PPP1R9A: variants seen among roughly 807,000 people sequenced by gnomAD.
The protein encoded by PPP1R9A is neurabin-1.
In PPP1R9A, 59 loss-of-function variants were observed where a neutral mutation model predicts 141.9. The ratio of observed to expected loss-of-function variants is 0.42; its 90% CI spans 0.34 to 0.52. PPP1R9A has a LOEUF of 0.52. Among genes scored for constraint, PPP1R9A ranks in the 20% least tolerant of loss-of-function variants. PPP1R9A has a pLI of 0.10. For synonymous variants in PPP1R9A, 500 were observed against 569.7 expected (o/e 0.88, Z 1.74); for missense variants, 1,444 against 1,611.9 (o/e 0.90, Z 1.78).
At chr7:95,029,679 G>A (rs1807385640) in intron 2 of PPP1R9A, among the ~76,000 whole-genome samples, 1 of 152,152 alleles carries the variant, frequency 6.6e-6, no homozygotes, top group Non-Finnish European at 1.5e-5. Context: ...TGGAATTATT[G>A]TAATTAATTT....
rs1472906950 is a variant in PPP1R9A at position 95,019,226 on chromosome 7, C to T, written c.1396-92033C>T. Reference sequence around the variant, plus strand: ...CCTGGCTAACATGGTGAAACTCCATCTCTACTGAAAGTACAAAAATTAGTT... The same window carrying T: ...CCTGGCTAACATGGTGAAACTCCATTTCTACTGAAAGTACAAAAATTAGTT... On this transcript the variant is annotated intron_variant, in intron 2 of 19. Transcript: ENST00000433360. 2.6e-5 allele frequency among the ~76,000 whole-genome samples: 4 copies of T among 152,156 alleles called. No individual in the cohort carries two copies. In the East Asian group the frequency reaches 7.7e-4, roughly 29 times the overall value.
chr7:95,006,893 G>A (rs941346376), intron 2 of PPP1R9A, among the ~76,000 whole-genome samples: 3 of 148,698 alleles, frequency 2.0e-5, no homozygotes, highest in African/African-American at 7.5e-5. Context: ...ACGGAGTTTC[G>A]CGCTTGTTGC....
At chr7:95,207,239 A>G (rs1201234377) in intron 7 of PPP1R9A, among the ~76,000 whole-genome samples, 1 of 152,088 alleles carries the variant, frequency 6.6e-6, no homozygotes, top group Non-Finnish European at 1.5e-5. Context: ...AAAAAAAGAG[A>G]AGAAAGAAAA....
At chr7:95,241,568 A>G (rs1797470826) in intron 8 of PPP1R9A, among the ~76,000 whole-genome samples, 2 of 152,100 alleles carry the variant, frequency 1.3e-5, no homozygotes, top group Admixed American at 1.3e-4. Flanking sequence ...AATGGAAGGT[A>G]CGGCGAGGCT....
At chr7:95,009,787 G>A (rs996776265) in intron 2 of PPP1R9A, among the ~76,000 whole-genome samples, 1 of 152,144 alleles carries the variant, frequency 6.6e-6, no homozygotes, top group Non-Finnish European at 1.5e-5. Flanking sequence ...TAAAGAGGCA[G>A]GAATAGTGCA....
intron 2 of PPP1R9A, among the ~76,000 whole-genome samples, chr7:94,947,567 G>A (rs2151000315): frequency 6.6e-6 from 1 of 152,144 alleles, no homozygotes; most frequent in East Asian, 1.9e-4. Context: ...GCTTTCTCTG[G>A]GGGCAGTTGC....
chr7:95,023,235 A>G (rs1409988081), intron 2 of PPP1R9A, among the ~76,000 whole-genome samples: 1 of 151,956 alleles, frequency 6.6e-6, no homozygotes, highest in Non-Finnish European at 1.5e-5. Context: ...AAATTTATTC[A>G]TTTCTTCTAG....
At chr7:95,275,994 G>A (rs1803113388) in intron 16 of PPP1R9A, among the ~76,000 whole-genome samples, 1 of 152,216 alleles carries the variant, frequency 6.6e-6, no homozygotes, top group Non-Finnish European at 1.5e-5. Context: ...TTAACTTTGT[G>A]TGGTTCGGGA....
chr7:94,967,740 T>C (rs1798374494), intron 2 of PPP1R9A, among the ~76,000 whole-genome samples: 1 of 152,134 alleles, frequency 6.6e-6, no homozygotes. Flanking sequence ...TTCTTAATCC[T>C]GAATTCTAAT....
At chr7:95,259,082 A>G (rs1800038777) in intron 12 of PPP1R9A, among the ~76,000 whole-genome samples, 2 of 152,218 alleles carry the variant, frequency 1.3e-5, no homozygotes, top group South Asian at 4.1e-4. Flanking sequence ...CAGCTAACTA[A>G]AAAACAATTT....
intron 5 of PPP1R9A, among the ~76,000 whole-genome samples, chr7:95,164,916 A>G (rs574627388): frequency 2.6e-4 from 39 of 151,590 alleles, no homozygotes; most frequent in African/African-American, 9.2e-4. Context: ...CAAATTTAAT[A>G]TACTCCAAGT....
At position 95,120,722 on chromosome 7, in the gene PPP1R9A, T is replaced by G; in HGVS notation, c.1539T>G (p.Gly513=). 1 of 1,613,332 alleles carries G rather than the reference T, an allele frequency of 6.2e-7. No individual in the cohort carries two copies. Among genetic ancestry groups the G allele is most frequent in the Non-Finnish European group, 8.5e-7 (1 of 1,179,606 alleles). The stretch of plus-strand genomic sequence containing the variant: ...TTTTCTTTTTAATAGATGAGGATGG[T>G]CTTGGTATAAGTATTATTGGAATGG... ...FPVELEKDED[G]LGISIIGMGV... The change falls in exon 4 of 20, where the codon GGT becomes GGG. Residue 513 remains glycine, a synonymous_variant. Transcript: ENST00000433360.
chr7:94,980,182 TAAAAAA>T (rs71292968), intron 2 of PPP1R9A, among the ~76,000 whole-genome samples: 1 of 126,166 alleles, frequency 7.9e-6, no homozygotes, highest in Admixed American at 8.1e-5. Flanking sequence ...GCTGATGAGC[TAAAAAA>T]AAAAAAAAAA....
At chr7:95,203,596 A>C (rs184946942) in intron 6 of PPP1R9A, 69 bp from the exon 7 acceptor site, 16 of 1,203,386 alleles carry the variant, frequency 1.3e-5, no homozygotes, top group Middle Eastern at 1.9e-4. Context: ...GTGTTTTTCA[A>C]TCCTTTATCA....
At chr7:95,022,227 G>T (rs888735124) in intron 2 of PPP1R9A, among the ~76,000 whole-genome samples, 1 of 152,028 alleles carries the variant, frequency 6.6e-6, no homozygotes, top group Non-Finnish European at 1.5e-5. Context: ...TATTCTCTTT[G>T]TAGCAATTGT....
intron 7 of PPP1R9A, among the ~76,000 whole-genome samples, chr7:95,210,928 A>G (rs1016118790): frequency 5.9e-5 from 9 of 152,098 alleles, no homozygotes; most frequent in Non-Finnish European, 1.3e-4. Context: ...GTTCTCACTC[A>G]TAAGTGTGAG....
intron 2 of PPP1R9A, among the ~76,000 whole-genome samples, chr7:95,025,516 A>T (rs941078954): frequency 6.6e-6 from 1 of 151,664 alleles, no homozygotes; most frequent in African/African-American, 2.4e-5. Context: ...TTTTTCCTTT[A>T]TTTCAACCTT....
chr7:95,295,119 A>G lies in PPP1R9A; in HGVS notation c.*4816A>G, dbSNP rs1473303494. The G allele has an allele frequency of 2.0e-5, 3 of 152,598 alleles. No individual in the cohort carries two copies. The highest frequency in any genetic ancestry group is 4.4e-5 in the Non-Finnish European group (3 of 68,040). The allele number at this position is 152,598 out of a possible 1,614,324, so 9.5% of individuals were successfully genotyped here. On this transcript the variant is annotated 3_prime_UTR_variant, in exon 20 of 20. Transcript: ENST00000433360. Reference sequence around the variant, plus strand: ...TGTGAATATCACTCCCACCTTACACACGCACACACACTGCAATCACATGGC... The same window carrying G: ...TGTGAATATCACTCCCACCTTACACGCGCACACACACTGCAATCACATGGC...
At chr7:95,176,759 A>G (rs367558380) in intron 5 of PPP1R9A, among the ~76,000 whole-genome samples, 2 of 152,182 alleles carry the variant, frequency 1.3e-5, no homozygotes, top group South Asian at 2.1e-4. Flanking sequence ...TTGAACAAGT[A>G]GAAGAAATTC....
Sources: gnomAD v4.1 joint callset for allele counts (sites outside exome capture counted in the v4.1 genomes callset) on GRCh38, gnomAD v4.1.1 for gene constraint, MANE v1.5 for transcripts, NCBI Gene and HGNC (gene_info 2026-07-23, HGNC 2026-07-21) for gene names.